The following SLC24A4 variants were observed in gnomAD, a reference collection of about 807,000 sequenced individuals.
SLC24A4 encodes the protein solute carrier family 24 member 4.
SLC24A4 carries 53 observed loss-of-function variants against 79.0 expected under a neutral mutation model. The ratio of observed to expected loss-of-function variants is 0.67; its 90% CI spans 0.54 to 0.84. SLC24A4 has a LOEUF of 0.84. Ranked by LOEUF, SLC24A4 falls within the 40% of genes least tolerant of loss-of-function variation. SLC24A4 has a pLI of 0.00. For synonymous variants in SLC24A4, 323 were observed against 323.8 expected, an observed-to-expected ratio of 1.00 and a Z score of 0.03; for missense variants, 731 against 822.0, an observed-to-expected ratio of 0.89 and a Z score of 1.35.
intron 2 of SLC24A4, among the ~76,000 whole-genome samples, chr14:92,373,291 G>A (rs1047562289): frequency 3.9e-5 from 6 of 151,946 alleles, no homozygotes; most frequent in African/African-American, 1.2e-4. Flanking sequence ...TGATCCACCC[G>A]CCTCAGCCTC....
intron 2 of SLC24A4, among the ~76,000 whole-genome samples, chr14:92,342,367 T>TTAATTAATTAATTAATTA (rs879362080): frequency 8.9e-5 from 12 of 135,288 alleles, no homozygotes; most frequent in African/African-American, 3.5e-4. Context: ...TTTCCCCATT[T>TTAATTAATTAATTAATTA]ATTTATTTAT....
At chr14:92,326,788 G>T (rs892672717) in intron 2 of SLC24A4, among the ~76,000 whole-genome samples, 2 of 152,120 alleles carry the variant, frequency 1.3e-5, no homozygotes, top group African/African-American at 4.8e-5. Context: ...GAACTGTGGG[G>T]TTTTAATATA....
chr14:92,346,809 T>C (rs1886558025), intron 2 of SLC24A4, among the ~76,000 whole-genome samples: 1 of 152,168 alleles, frequency 6.6e-6, no homozygotes, highest in African/African-American at 2.4e-5. Flanking sequence ...TGGTCTGCAG[T>C]GGTTTTTACA....
intron 16 of SLC24A4, 88 bp downstream of exon 16, chr14:92,492,328 C>A: frequency 8.1e-7 from 1 of 1,230,720 alleles, no homozygotes; most frequent in South Asian, 1.3e-5. Context: ...TCTGTACACC[C>A]CTGTCACTTC....
At chr14:92,350,175 A>G (rs1462956593) in intron 2 of SLC24A4, among the ~76,000 whole-genome samples, 2 of 152,198 alleles carry the variant, frequency 1.3e-5, no homozygotes, top group African/African-American at 2.4e-5. Flanking sequence ...ACCTATGCCA[A>G]TTGGGTCATG....
chr14:92,456,715 G>A (rs2139850431), intron 12 of SLC24A4, 107 bp downstream of exon 12: 4 of 1,172,270 alleles, frequency 3.4e-6, no homozygotes, highest in Non-Finnish European at 4.9e-6. Context: ...GCGGCAGAGG[G>A]CTGGTGCAAA....
In SLC24A4 at chr14:92,487,046, A is replaced by C. The variant is rs527873707; in HGVS notation, c.1537+266A>C. On this transcript the variant is annotated intron_variant, in intron 14 of 16. Transcript: ENST00000532405. ...AAAACAAAAATGTTCTGAGGTCAGC[A>C]GTCAATGTGAGATTGAACAGAGGCC... Among the ~76,000 whole-genome samples, 6 of 152,352 alleles carry C rather than the reference A, an allele frequency of 3.9e-5. No individual in the cohort carries two copies. The East Asian group carries it at 1.2e-3, about 29-fold the overall frequency.
chr14:92,346,345 G>T (rs891775730), intron 2 of SLC24A4, among the ~76,000 whole-genome samples: 5 of 152,164 alleles, frequency 3.3e-5, no homozygotes, highest in Non-Finnish European at 7.3e-5. Flanking sequence ...TAAACTGGAA[G>T]TGCTCTTCCC....
At chr14:92,359,314 G>A (rs1887361736) in intron 2 of SLC24A4, among the ~76,000 whole-genome samples, 2 of 144,652 alleles carry the variant, frequency 1.4e-5, no homozygotes, top group African/African-American at 2.8e-5. Flanking sequence ...AGTGGCTCAC[G>A]CCTATAATCC....
chr14:92,419,773 A>G (rs58303004), intron 2 of SLC24A4, among the ~76,000 whole-genome samples: 24,436 of 152,216 alleles, frequency 0.16, 2,193 homozygotes, highest in East Asian at 0.24. Flanking sequence ...CTTGTGTTTC[A>G]TGAATAAAGG....
chr14:92,481,258 G>C (rs1202574976), intron 12 of SLC24A4, among the ~76,000 whole-genome samples: 3 of 152,196 alleles, frequency 2.0e-5, no homozygotes, highest in Non-Finnish European at 2.9e-5. Context: ...AGATATCTAG[G>C]AGCTTTTCAA....
intron 2 of SLC24A4, among the ~76,000 whole-genome samples, chr14:92,400,270 C>G (rs1274334445): frequency 6.6e-6 from 1 of 151,924 alleles, no homozygotes; most frequent in Admixed American, 6.6e-5. Context: ...GAAACCCCGT[C>G]TCTACTAAAA....
intron 2 of SLC24A4, among the ~76,000 whole-genome samples, chr14:92,407,358 C>A (rs1158313026): frequency 6.6e-6 from 1 of 152,228 alleles, no homozygotes; most frequent in East Asian, 1.9e-4. Flanking sequence ...GCCCTCCAAA[C>A]TGTTCCAACG....
At chr14:92,485,440 G>C (rs1221811303) in intron 13 of SLC24A4, among the ~76,000 whole-genome samples, 1 of 151,986 alleles carries the variant, frequency 6.6e-6, no homozygotes, top group African/African-American at 2.4e-5. Flanking sequence ...ACTCCAGCCT[G>C]GGCTATGGAG....
intron 2 of SLC24A4, among the ~76,000 whole-genome samples, chr14:92,374,994 A>G (rs558330714): frequency 2.6e-5 from 4 of 152,360 alleles, no homozygotes; most frequent in Non-Finnish European, 4.4e-5. Context: ...ACAATAACCT[A>G]GATCTGGTTA....
intron 2 of SLC24A4, among the ~76,000 whole-genome samples, chr14:92,406,335 C>A (rs2141777071): frequency 6.6e-6 from 1 of 152,340 alleles, no homozygotes; most frequent in South Asian, 2.1e-4. Context: ...ACGGTGCACA[C>A]TCTCTGTGAA....
At chr14:92,385,099 A>G (rs60091305) in intron 2 of SLC24A4, among the ~76,000 whole-genome samples, 7,121 of 152,286 alleles carry the variant, frequency 0.047, 569 homozygotes, top group African/African-American at 0.16. Flanking sequence ...TTGCTGCTAC[A>G]GTTGCCGCAG....
intron 2 of SLC24A4, among the ~76,000 whole-genome samples, chr14:92,421,504 AT>A (rs576716139): frequency 6.6e-6 from 1 of 151,362 alleles, no homozygotes; most frequent in Non-Finnish European, 1.5e-5. Context: ...ATACACCACG[AT>A]TTTTTTGTTT....
chr14:92,424,883 A>AAAAAACAAAAACAAAAAC (rs75512721), intron 2 of SLC24A4, among the ~76,000 whole-genome samples: 80 of 151,074 alleles, frequency 5.3e-4, no homozygotes, highest in South Asian at 1.3e-3. Context: ...CTCCGTCTCA[A>AAAAAACAAAAACAAAAAC]AAAAACAAAA....
Sources: allele counts gnomAD v4.1 joint callset (sites outside exome capture counted in the v4.1 genomes callset), GRCh38; gene constraint gnomAD v4.1.1; transcripts MANE v1.5; gene names NCBI Gene and HGNC (gene_info 2026-07-23, HGNC 2026-07-21).